The following ATXN1 variants were observed in gnomAD, a reference collection of about 807,000 sequenced individuals.
The protein encoded by ATXN1 is ataxin-1.
Under a neutral mutation model 56.4 loss-of-function variants are expected in ATXN1, and 8 were observed. The observed-to-expected ratio is 0.14, with a 90% CI of 0.08 to 0.26. The LOEUF (loss-of-function observed/expected upper bound fraction) is 0.26. ATXN1 is among the 10% of genes least tolerant of loss of function. The pLI is 1.00. For missense variants in ATXN1, 987 were observed against 1,106.5 expected, an observed-to-expected ratio of 0.89 and a Z score of 1.53; for synonymous variants, 514 against 494.6, an observed-to-expected ratio of 1.04 and a Z score of -0.52.
chr6:16,495,549 C>A (rs1760762434), intron 5 of ATXN1, among the ~76,000 whole-genome samples: 2 of 152,148 alleles, frequency 1.3e-5, no homozygotes, highest in South Asian at 4.1e-4. Context: ...ACAGCTGGGA[C>A]ATCAAATCAT....
intron 2 of ATXN1, among the ~76,000 whole-genome samples, chr6:16,658,138 G>A (rs1044082855): frequency 6.6e-6 from 1 of 152,146 alleles, no homozygotes; most frequent in Non-Finnish European, 1.5e-5. Flanking sequence ...GCATGACACT[G>A]GGGGAGGTAG....
At chr6:16,482,146 T>C (rs1016021121) in intron 6 of ATXN1, among the ~76,000 whole-genome samples, 18 of 152,206 alleles carry the variant, frequency 1.2e-4, no homozygotes, top group African/African-American at 4.1e-4. Flanking sequence ...TCAAGCATTC[T>C]CATCAGAACA....
intron 5 of ATXN1, among the ~76,000 whole-genome samples, chr6:16,487,713 T>A (rs1760577847): frequency 6.6e-6 from 1 of 152,214 alleles, no homozygotes; most frequent in South Asian, 2.1e-4. Flanking sequence ...AATAATTATA[T>A]GAGTTTTAGG....
intron 3 of ATXN1, among the ~76,000 whole-genome samples, chr6:16,595,490 A>C (rs1190701059): frequency 6.6e-6 from 1 of 152,246 alleles, no homozygotes; most frequent in Non-Finnish European, 1.5e-5. Flanking sequence ...TTCAAATGTT[A>C]AGAAGTGTCA....
intron 4 of ATXN1, among the ~76,000 whole-genome samples, chr6:16,579,498 C>A (rs1367309788): frequency 9.6e-6 from 1 of 104,140 alleles, no homozygotes; most frequent in African/African-American, 2.9e-5. Context: ...CCCCCACCCG[C>A]CGATTCATTC....
At chr6:16,436,879 G>A (rs973569425) in intron 6 of ATXN1, among the ~76,000 whole-genome samples, 1 of 152,148 alleles carries the variant, frequency 6.6e-6, no homozygotes, top group Non-Finnish European at 1.5e-5. Flanking sequence ...GAGATATTCT[G>A]AGAAGAAGCA....
Position 16,506,910 on chromosome 6 carries a change from G to A in ATXN1, c.-299+15717C>T, listed in dbSNP as rs1760989975. Among the ~76,000 whole-genome samples the A allele has an allele frequency of 1.3e-5, 2 of 152,216 alleles. No individual in the cohort carries two copies. The highest frequency in any genetic ancestry group is 4.1e-4 in the South Asian group (2 of 4,838). On this transcript the variant is annotated intron_variant, in intron 5 of 7. Coordinates refer to ENST00000436367, the MANE Select transcript of ATXN1 (RefSeq NM_001128164.2). This position sits in a 1 kb window ranked among gnomAD's most constrained non-coding sequence, Gnocchi z 4.1. The stretch of plus-strand genomic sequence containing the variant: ...ACACCACTGAAATAAACCAAAGGAT[G>A]TAGGGATGTATGTACAGCTGGATGG...
chr6:16,351,962 G>A (rs1242458985), intron 6 of ATXN1, among the ~76,000 whole-genome samples: 1 of 152,176 alleles, frequency 6.6e-6, no homozygotes, highest in Non-Finnish European at 1.5e-5. Context: ...TTTGGCCTTT[G>A]CTAAAATATA....
At chr6:16,759,028 C>A (rs984761528) in intron 1 of ATXN1, among the ~76,000 whole-genome samples, 1 of 152,164 alleles carries the variant, frequency 6.6e-6, no homozygotes, top group African/African-American at 2.4e-5. Context: ...ATCAAATAAA[C>A]CGAAGGGTGG....
intron 3 of ATXN1, among the ~76,000 whole-genome samples, chr6:16,629,584 C>A (rs1363811394): frequency 6.6e-6 from 1 of 152,056 alleles, no homozygotes; most frequent in Non-Finnish European, 1.5e-5. Flanking sequence ...CCACCTTGGC[C>A]TTTCAAAGTG....
At chr6:16,389,347 GA>G (rs66826504) in intron 6 of ATXN1, among the ~76,000 whole-genome samples, 13,468 of 127,676 alleles carry the variant, frequency 0.11, 1,076 homozygotes, top group East Asian at 0.49. Context: ...CAAAAAAAAA[GA>G]AAAAAAAAAA....
chr6:16,641,374 G>A (rs939931171), intron 3 of ATXN1, among the ~76,000 whole-genome samples: 10 of 152,106 alleles, frequency 6.6e-5, no homozygotes, highest in Non-Finnish European at 1.5e-4. Context: ...CTCTTGTTAC[G>A]GGCAAATGCA....
At chr6:16,475,687 G>C (rs1284546302) in intron 6 of ATXN1, among the ~76,000 whole-genome samples, 1 of 152,120 alleles carries the variant, frequency 6.6e-6, no homozygotes, top group African/African-American at 2.4e-5. Context: ...ATCTGATGCT[G>C]TTAAGTGGCA....
chr6:16,326,427 C>A lies in ATXN1; in HGVS notation c.1884G>T (p.Val628=). 6.2e-7 allele frequency: 1 copy of A among 1,614,018 alleles called. No homozygotes were observed. The highest frequency in any genetic ancestry group is 8.5e-7 in the Non-Finnish European group (1 of 1,179,948). The part of the protein sequence containing the change: ...IEDSHSPGVA[V]IQFAVGEHRA... The stretch of plus-strand genomic sequence containing the variant: ...GGTGCTCCCCGACGGCGAACTGTAT[C>A]ACGGCCACGCCCGGGCTATGGCTGT... Residue 628 remains valine (V), a synonymous_variant, in exon 7 of 8, where the codon GTG becomes GTT. Transcript: ENST00000436367. The surrounding 1 kb of genome is among the most constrained non-coding windows in gnomAD (Gnocchi z 6.6).
chr6:16,330,943 C>T (rs1489371593), intron 6 of ATXN1, among the ~76,000 whole-genome samples: 1 of 151,966 alleles, frequency 6.6e-6, no homozygotes, highest in Non-Finnish European at 1.5e-5. Context: ...AACCCTAAAA[C>T]ACTTATGCTG....
At chr6:16,423,917 CTT>C (rs751291931) in intron 6 of ATXN1, among the ~76,000 whole-genome samples, 49 of 152,156 alleles carry the variant, frequency 3.2e-4, no homozygotes, top group Non-Finnish European at 4.6e-4. Context: ...GCAAACGAAA[CTT>C]ATGGATTGGA....
rs75169721 is a variant in ATXN1, at chr6:16,641,575, A to G, written c.-489+16201T>C. ...ATTGCTCAGAAAAAGATTCCTTTCA[A>G]AATATTACTGCTTATTGACAATGCA... On this transcript the variant is annotated intron_variant, in intron 3 of 7. Transcript: ENST00000436367. Among the ~76,000 whole-genome samples the G allele has an allele frequency of 1.5e-3, 231 of 152,362 alleles. 4 individuals carry two copies. In the East Asian group the frequency reaches 0.04, roughly 27 times the overall value.
chr6:16,348,927 G>T (rs1761506129), intron 6 of ATXN1, among the ~76,000 whole-genome samples: 1 of 152,282 alleles, frequency 6.6e-6, no homozygotes, highest in East Asian at 1.9e-4. Flanking sequence ...TTACTCCTCA[G>T]CTGTGTATAT....
intron 3 of ATXN1, among the ~76,000 whole-genome samples, chr6:16,594,596 C>A (rs1484679178): frequency 6.6e-6 from 1 of 151,914 alleles, no homozygotes; most frequent in Admixed American, 6.6e-5. Flanking sequence ...GATTCTCCTG[C>A]CTCAGCCTCC....
Sources: allele counts gnomAD v4.1 joint callset (sites outside exome capture counted in the v4.1 genomes callset), GRCh38; gene constraint gnomAD v4.1.1; non-coding constraint Gnocchi (gnomAD v3.1); transcripts MANE v1.5; gene names NCBI Gene and HGNC (gene_info 2026-07-23, HGNC 2026-07-21).